Variants in KMT2A observed in about 807,000 individuals in gnomAD.
The protein encoded by KMT2A is histone-lysine N-methyltransferase 2A.
Under a neutral mutation model 345.3 loss-of-function variants are expected in KMT2A, and 16 were observed. That is an observed-to-expected ratio of 0.05 (90% CI 0.03 to 0.07). The LOEUF (loss-of-function observed/expected upper bound fraction) is 0.07, where lower values mean the gene tolerates loss of function less well. Ranked by LOEUF, KMT2A falls within the 10% of genes least tolerant of loss-of-function variation. The probability of loss-of-function intolerance (pLI) is 1.00; values close to 1 mark genes in which losing one functional copy is unlikely to be tolerated. For synonymous variants in KMT2A, 1,599 were observed against 1,778.6 expected (o/e 0.90, Z 2.54); for missense variants, 3,272 against 4,841.6 (o/e 0.68, Z 9.62).
Position 118,484,399 on chromosome 11 carries a change from G to A in KMT2A, c.4218+85G>A. The A allele has an allele frequency of 1.4e-6, 2 of 1,418,708 alleles. No individual in the cohort carries two copies. The highest frequency in any genetic ancestry group is 1.9e-6 in the Non-Finnish European group (2 of 1,026,818). 87.9% of individuals were successfully genotyped at this position (1,418,708 alleles called of 1,614,324 possible). On this transcript the variant is annotated intron_variant, in intron 9 of 35. Transcript: ENST00000534358. This position sits in a 1 kb window ranked among gnomAD's most constrained non-coding sequence, Gnocchi z 4.1. ...TGCTACTACCAAAGGTGTTGAAAGA[G>A]GAAATCAGCACCAACTGGGGGAATG... is the stretch of plus-strand genomic sequence containing the variant.
At chr11:118,441,026 A>G (rs1442335531) in intron 1 of KMT2A, among the ~76,000 whole-genome samples, 1 of 152,126 alleles carries the variant, frequency 6.6e-6, no homozygotes, top group East Asian at 1.9e-4. Context: ...TGATCTGTAA[A>G]ATGAAAAGTT....
rs782524769 is a variant in KMT2A at position 118,505,603 on chromosome 11, T to A, written c.9711T>A (p.Leu3237=). The change falls in exon 27 of 36, where the codon CTT becomes CTA. Residue 3237 remains leucine (L), a synonymous_variant. Transcript: ENST00000534358. The surrounding 1 kb of genome is among the most constrained non-coding windows in gnomAD (Gnocchi z 4.6). The part of the protein sequence containing the change: ...SRLQTRKNKK[L]APSSTPSNIA... ...TACAGACCCGAAAGAATAAAAAACT[T>A]GCTCCCTCTAGTACCCCTTCAAACA... 6.2e-7 allele frequency: 1 copy of A among 1,614,074 alleles called. No individual in the cohort carries two copies. Among genetic ancestry groups the A allele is most frequent in the East Asian group, 2.2e-5 (1 of 44,886 alleles).
At chr11:118,452,720 G>A (rs1949565114) in intron 1 of KMT2A, among the ~76,000 whole-genome samples, 1 of 150,408 alleles carries the variant, frequency 6.6e-6, no homozygotes, top group Non-Finnish European at 1.5e-5. Context: ...AGCAACCTCC[G>A]CCTCCTGGGT....
rs994579111 is a variant in KMT2A, at chr11:118,503,107, G to A, written c.7215G>A (p.Leu2405=). 1.2e-6 allele frequency: 2 copies of A among 1,613,184 alleles called. No individual in the cohort carries two copies. The highest frequency in any genetic ancestry group is 1.3e-5 in the African/African-American group (1 of 74,918). The change falls in exon 27 of 36, where the codon TTG becomes TTA. Residue 2405 remains leucine, a synonymous_variant. Coordinates refer to ENST00000534358, the MANE Select transcript of KMT2A (RefSeq NM_001197104.2). The surrounding 1 kb of genome is among the most constrained non-coding windows in gnomAD (Gnocchi z 5.3). The part of the protein sequence containing the change: ...SPDEDTEVKT[L]KLSGMSNRSS... The stretch of plus-strand genomic sequence containing the variant: ...ATGAAGATACTGAAGTCAAAACCTT[G>A]AAGCTATCTGGAATGAGCAACAGAT...
Position 118,493,579 on chromosome 11 carries a change from T to A in KMT2A, c.5178+349T>A, listed in dbSNP as rs1314850551. ...CTCCCCTTTTGAGATCAGATCTGAA[T>A]AATGTGCCTTTCTTTATAAGGTCTT... On this transcript the variant is annotated intron_variant, in intron 16 of 35. Coordinates refer to ENST00000534358, the MANE Select transcript of KMT2A (RefSeq NM_001197104.2). This position sits in a 1 kb window ranked among gnomAD's most constrained non-coding sequence, Gnocchi z 5.8. Among the ~76,000 whole-genome samples the A allele has an allele frequency of 6.6e-6, 1 of 152,252 alleles. No individual in the cohort carries two copies. Among genetic ancestry groups the A allele is most frequent in the Non-Finnish European group, 1.5e-5 (1 of 68,048 alleles).
chr11:118,507,807 A>T, intron 28 of KMT2A, 198 bp downstream of exon 28: 2 of 503,370 alleles, frequency 4.0e-6, no homozygotes, highest in Non-Finnish European at 7.3e-6. Context: ...TAAAAATACA[A>T]AAAGAATTAG....
chr11:118,516,363 A>G (rs983869862), intron 31 of KMT2A, among the ~76,000 whole-genome samples: 1 of 152,212 alleles, frequency 6.6e-6, no homozygotes, highest in Admixed American at 6.5e-5. Context: ...CCTCGAGGCA[A>G]GCTAGAAGGC....
At position 118,494,686 on chromosome 11, in the gene KMT2A, T is replaced by A; in HGVS notation, c.5290-8T>A. 1 of 1,613,008 alleles carries A rather than the reference T, an allele frequency of 6.2e-7. No individual in the cohort carries two copies. Among genetic ancestry groups the A allele is most frequent in the Non-Finnish European group, 8.5e-7 (1 of 1,179,288 alleles). ...ACATATTTACATTTTGTTTGTGTTT[T>A]CTTTTAGCAAATGGAACGTGTTTTT... On this transcript the variant is annotated splice_polypyrimidine_tract_variant and splice_region_variant and intron_variant, in intron 17 of 35. Coordinates refer to ENST00000534358, the MANE Select transcript of KMT2A (RefSeq NM_001197104.2). This position sits in a 1 kb window ranked among gnomAD's most constrained non-coding sequence, Gnocchi z 5.8.
Position 118,506,384 on chromosome 11 carries a change from C to A in KMT2A, c.10492C>A (p.Leu3498Met), listed in dbSNP as rs2134413112. 1 of 1,614,192 alleles carries A rather than the reference C, an allele frequency of 6.2e-7. No individual in the cohort carries two copies. Among genetic ancestry groups the A allele is most frequent in the Non-Finnish European group, 8.5e-7 (1 of 1,180,036 alleles). The change falls in exon 27 of 36, where the codon CTG becomes ATG. Residue 3498 changes from leucine to methionine, a missense_variant. Coordinates refer to ENST00000534358, the MANE Select transcript of KMT2A (RefSeq NM_001197104.2). The stretch of plus-strand genomic sequence containing the variant: ...GGTAGACGCTCCTAATAGCATGGGA[C>A]TGGAGCAGAACAAGGCTTTATCCTC... Reference protein sequence around the residue: ...QTVDAPNSMGLEQNKALSSAV... With the variant: ...QTVDAPNSMGMEQNKALSSAV...
chr11:118,494,170 TA>T lies in KMT2A; in HGVS notation c.5179-114del. Reference sequence around the variant, plus strand: ...TCAGCCAAAGAGTATTATACCACATTAAAATAGGGTGTGAGTTTTCTGTTGG... The same window carrying T: ...TCAGCCAAAGAGTATTATACCACATTAAATAGGGTGTGAGTTTTCTGTTGG... On this transcript the variant is annotated intron_variant, in intron 16 of 35. Coordinates refer to ENST00000534358, the MANE Select transcript of KMT2A (RefSeq NM_001197104.2). The surrounding 1 kb of genome is among the most constrained non-coding windows in gnomAD (Gnocchi z 5.8). 1.6e-6 allele frequency: 1 copy of T among 644,580 alleles called. No homozygotes were observed. Among genetic ancestry groups the T allele is most frequent in the Non-Finnish European group, 2.8e-6 (1 of 355,220 alleles). The allele number at this position is 644,580 out of a possible 1,614,324, so 39.9% of individuals were successfully genotyped here.
chr11:118,465,912 G>C (rs368484535), intron 1 of KMT2A, among the ~76,000 whole-genome samples: 3 of 151,958 alleles, frequency 2.0e-5, no homozygotes, highest in South Asian at 4.2e-4. Context: ...GGCTGTTTTT[G>C]TTTTGTTTTG....
chr11:118,512,309 G>A (rs1415951911), intron 31 of KMT2A: 9 of 432,652 alleles, frequency 2.1e-5, no homozygotes, highest in Admixed American at 4.1e-5. Context: ...CTCAGCCCCT[G>A]GCCACCACAA....
chr11:118,474,033 C>G lies in KMT2A; in HGVS notation c.2874C>G (p.Thr958=). 6.2e-7 allele frequency: 1 copy of G among 1,613,696 alleles called. No individual in the cohort carries two copies. The highest frequency in any genetic ancestry group is 1.1e-5 in the South Asian group (1 of 91,054). Residue 958 remains threonine (T), a synonymous_variant, in exon 3 of 36, where the codon ACC becomes ACG. Coordinates refer to ENST00000534358, the MANE Select transcript of KMT2A (RefSeq NM_001197104.2). ...TTGGGGATACAACAGCTGTCAAAAC[C>G]AAAATACTTATAAAGAAAGGGAGAG... is the stretch of plus-strand genomic sequence containing the variant. ...VTLGDTTAVK[T]KILIKKGRGN...
In KMT2A at chr11:118,491,680, T is replaced by C; in HGVS notation, c.4820-64T>C. 1 of 1,277,920 alleles carries C rather than the reference T, an allele frequency of 7.8e-7. No individual in the cohort carries two copies. The allele number at this position is 1,277,920 out of a possible 1,614,324, so 79.2% of individuals were successfully genotyped here. A position where few individuals can be genotyped will look rare whatever the true frequency, so the allele number is the denominator to read the frequency against. On this transcript the variant is annotated intron_variant, in intron 14 of 35. Transcript: ENST00000534358. The surrounding 1 kb of genome is among the most constrained non-coding windows in gnomAD (Gnocchi z 4.2). ...TTTATAGTAAGTTCAGTGGAATAGT[T>C]TCCTCTTCTTCCTCTCTCTCATTCT...
At position 118,436,815 on chromosome 11, in the gene KMT2A, A is replaced by C. The variant is rs782768624; in HGVS notation, c.303A>C (p.Ser101=). Residue 101 remains serine, a synonymous_variant, in exon 1 of 36, where the codon TCA becomes TCC. Coordinates refer to ENST00000534358, the MANE Select transcript of KMT2A (RefSeq NM_001197104.2). The surrounding 1 kb of genome is among the most constrained non-coding windows in gnomAD (Gnocchi z 6.9). Reference sequence around the variant, plus strand: ...CTTCGTCATCGTCCTCAGCCTCTTCAGGGCCGGCCCTGCTCCGGGTGGGCC... The same window carrying C: ...CTTCGTCATCGTCCTCAGCCTCTTCCGGGCCGGCCCTGCTCCGGGTGGGCC... ...SSSSSSSSAS[S]GPALLRVGPG... is the part of the protein sequence containing the mutation. 6.2e-7 allele frequency: 1 copy of C among 1,608,964 alleles called. No homozygotes were observed. The highest frequency in any genetic ancestry group is 1.1e-5 in the South Asian group (1 of 90,668).
Position 118,495,982 on chromosome 11 carries a change from C to T in KMT2A, c.5557+89C>T, listed in dbSNP as rs1950403320. 8.5e-6 allele frequency: 10 copies of T among 1,170,530 alleles called. No individual in the cohort carries two copies. The highest frequency in any genetic ancestry group is 5.9e-4 in the Middle Eastern group (2 of 3,412). The allele number at this position is 1,170,530 out of a possible 1,614,324, so 72.5% of individuals were successfully genotyped here. ...ATCCAATTCACTAAAATTAGATATA[C>T]TTGGATATCAGAAAGGAATTTTCAG... On this transcript the variant is annotated intron_variant, in intron 19 of 35. Coordinates refer to ENST00000534358, the MANE Select transcript of KMT2A (RefSeq NM_001197104.2). The surrounding 1 kb of genome is among the most constrained non-coding windows in gnomAD (Gnocchi z 4.1).
chr11:118,481,696 TG>T lies in KMT2A; in HGVS notation c.3635-18del. 1 of 1,596,266 alleles carries T rather than the reference TG, an allele frequency of 6.3e-7. No homozygotes were observed. The highest frequency in any genetic ancestry group is 1.4e-5 in the African/African-American group (1 of 73,708). ...TATTCTCACTATAGACAGATGATGT[TG>T]TTGTGTTTTTCCCTCAGCTGTGAAA... On this transcript the variant is annotated intron_variant, in intron 6 of 35. Transcript: ENST00000534358.
At chr11:118,474,755 A>G (rs1950003764) in intron 3 of KMT2A, among the ~76,000 whole-genome samples, 1 of 152,240 alleles carries the variant, frequency 6.6e-6, no homozygotes, top group Non-Finnish European at 1.5e-5. Context: ...TAGAATAGAA[A>G]ACCGGAGGGG....
chr11:118,505,936 C>T lies in KMT2A; in HGVS notation c.10044C>T (p.Ser3348=), dbSNP rs1950574019. 1.2e-6 allele frequency: 2 copies of T among 1,614,040 alleles called. No individual in the cohort carries two copies. The highest frequency in any genetic ancestry group is 8.5e-7 in the Non-Finnish European group (1 of 1,180,046). ...GTTCCTCTGTCTTGAATGTTGTATC[C>T]ATGCAAACTACCACAACCCCTACAA... The part of the protein sequence containing the change: ...ASSSSVLNVV[S]MQTTTTPTSS... Residue 3348 remains serine (S), a synonymous_variant, in exon 27 of 36, where the codon TCC becomes TCT. Transcript: ENST00000534358. This position sits in a 1 kb window ranked among gnomAD's most constrained non-coding sequence, Gnocchi z 4.6.
Sources: allele counts gnomAD v4.1 joint callset (sites outside exome capture counted in the v4.1 genomes callset), GRCh38; gene constraint gnomAD v4.1.1; non-coding constraint Gnocchi (gnomAD v3.1); transcripts MANE v1.5; gene names NCBI Gene and HGNC (gene_info 2026-07-23, HGNC 2026-07-21).